The following SP4 variants were observed in gnomAD, a reference collection of about 807,000 sequenced individuals.
The protein encoded by SP4 is Sp4 transcription factor, also known as transcription factor Sp4.
SP4 carries 19 observed loss-of-function variants against 72.8 expected under a neutral mutation model. That is an observed-to-expected ratio of 0.26 (90% CI 0.18 to 0.38). The LOEUF is 0.38. SP4 is among the 10% of genes least tolerant of loss of function. SP4 has a pLI of 1.00. For missense variants in SP4, 1,008 were observed against 926.3 expected, an observed-to-expected ratio of 1.09 and a Z score of -1.14; for synonymous variants, 395 against 333.1, an observed-to-expected ratio of 1.19 and a Z score of -2.02.
chr7:21,469,336 AG>A (rs1784259124), intron 3 of SP4, among the ~76,000 whole-genome samples: 1 of 151,738 alleles, frequency 6.6e-6, no homozygotes. Flanking sequence ...AAATGATAAT[AG>A]TGGTAATCTA....
intron 3 of SP4, among the ~76,000 whole-genome samples, chr7:21,436,056 G>A (rs777277622): frequency 6.6e-6 from 1 of 151,954 alleles, no homozygotes; most frequent in Non-Finnish European, 1.5e-5. Context: ...ATGTCACCAC[G>A]CCTGGCTAAT....
intron 5 of SP4, among the ~76,000 whole-genome samples, chr7:21,499,280 T>C (rs942314351): frequency 6.6e-6 from 1 of 152,178 alleles, no homozygotes; most frequent in African/African-American, 2.4e-5. Flanking sequence ...GTGGGTTGAA[T>C]TGTTTCTTCC....
chr7:21,499,665 C>T (rs1781816790), intron 5 of SP4, among the ~76,000 whole-genome samples: 1 of 152,116 alleles, frequency 6.6e-6, no homozygotes, highest in Non-Finnish European at 1.5e-5. Context: ...TTTTAAGCCA[C>T]CCAGTTTGTG....
At chr7:21,481,764 CT>C (rs1784695243) in intron 4 of SP4, among the ~76,000 whole-genome samples, 159 bp from the exon 5 acceptor site, 2 of 152,100 alleles carry the variant, frequency 1.3e-5, no homozygotes, top group African/African-American at 4.8e-5. Context: ...TTTATTTTGT[CT>C]TTAACTGAAA....
At chr7:21,476,223 G>A (rs886855653) in intron 3 of SP4, among the ~76,000 whole-genome samples, 97 of 134,910 alleles carry the variant, frequency 7.2e-4, no homozygotes, top group African/African-American at 2.7e-3. Context: ...GCAGTGAGCC[G>A]AGATCGTGCT....
At chr7:21,434,673 G>A (rs1410818079) in intron 3 of SP4, among the ~76,000 whole-genome samples, 1 of 151,942 alleles carries the variant, frequency 6.6e-6, no homozygotes, top group East Asian at 1.9e-4. Context: ...ATATTGCATA[G>A]TGGAGAAGTC....
At position 21,430,430 on chromosome 7, in the gene SP4, C is replaced by T; in HGVS notation, c.1265C>T (p.Pro422Leu). ...CAACAGATCATTCAGGCTATTCCAC[C>T]ACAGTCGTTTCAACTCCAGTCAGGG... ...PQQQIIQAIP[P>L]QSFQLQSGQT... Residue 422 changes from proline (P) to leucine (L), a missense_variant, in exon 3 of 6, where the codon CCA (proline) becomes CTA (leucine). By Grantham distance (98) the Pro-to-Leu change is moderately conservative. Transcript: ENST00000222584. 6.2e-7 allele frequency: 1 copy of T among 1,614,168 alleles called. No homozygotes were observed. Among genetic ancestry groups the T allele is most frequent in the Non-Finnish European group, 8.5e-7 (1 of 1,180,034 alleles).
Position 21,511,293 on chromosome 7 carries a change from C to A in SP4, c.*24C>A. On this transcript the variant is annotated 3_prime_UTR_variant, in exon 6 of 6. Coordinates refer to ENST00000222584, the MANE Select transcript of SP4 (RefSeq NM_003112.5). ...GAAAAGTTATTTATAACAGAGACCT[C>A]TAGTGCTGCACTTGTTTACACACCT... 6.2e-7 allele frequency: 1 copy of A among 1,606,878 alleles called. No homozygotes were observed. Among genetic ancestry groups the A allele is most frequent in the Non-Finnish European group, 8.5e-7 (1 of 1,175,652 alleles).
At chr7:21,487,443 T>C (rs1439978504) in intron 5 of SP4, among the ~76,000 whole-genome samples, 1 of 150,936 alleles carries the variant, frequency 6.6e-6, no homozygotes, top group Non-Finnish European at 1.5e-5. Context: ...ACAGTTTTTC[T>C]CTTATATCTT....
At chr7:21,460,808 G>C (rs1426855406) in intron 3 of SP4, among the ~76,000 whole-genome samples, 2 of 152,116 alleles carry the variant, frequency 1.3e-5, no homozygotes, top group East Asian at 3.9e-4. Flanking sequence ...GCTAGACACA[G>C]AATGCTGATT....
At chr7:21,493,879 C>T (rs1771) in intron 5 of SP4, among the ~76,000 whole-genome samples, 36,081 of 151,996 alleles carry the variant, frequency 0.24, 5,463 homozygotes, top group Non-Finnish European at 0.34. Context: ...AGACCAATAT[C>T]GTAAGTATAG....
chr7:21,510,551 C>T (rs946102061), intron 5 of SP4, among the ~76,000 whole-genome samples: 1 of 152,170 alleles, frequency 6.6e-6, no homozygotes, highest in African/African-American at 2.4e-5. Flanking sequence ...GTAAAGAACT[C>T]AGTATGCTAT....
chr7:21,477,841 AT>A (rs1289871213), intron 4 of SP4, among the ~76,000 whole-genome samples: 1 of 151,660 alleles, frequency 6.6e-6, no homozygotes, highest in African/African-American at 2.4e-5. Context: ...CGCCCAGCCC[AT>A]TTTTTTTCTT....
intron 3 of SP4, among the ~76,000 whole-genome samples, chr7:21,461,247 G>A (rs570684409): frequency 6.6e-6 from 1 of 152,316 alleles, no homozygotes; most frequent in South Asian, 2.1e-4. Context: ...TGGAGCAGGG[G>A]GCGGTGCTTG....
chr7:21,460,775 A>G, intron 3 of SP4, among the ~76,000 whole-genome samples: 3 of 152,254 alleles, frequency 2.0e-5, no homozygotes, highest in East Asian at 3.9e-4. Flanking sequence ...CAGAGTGTAG[A>G]TTGGTGTATT....
chr7:21,498,119 C>G (rs1781771306), intron 5 of SP4, among the ~76,000 whole-genome samples: 1 of 152,122 alleles, frequency 6.6e-6, no homozygotes, highest in Non-Finnish European at 1.5e-5. Context: ...TACAACCAGC[C>G]CTCCTTATAT....
intron 3 of SP4, among the ~76,000 whole-genome samples, chr7:21,476,343 A>G (rs1784501268): frequency 1.4e-5 from 2 of 142,056 alleles, no homozygotes. Flanking sequence ...AGATTTTTTT[A>G]TTGTTGTTTT....
At chr7:21,446,516 A>T (rs551648251) in intron 3 of SP4, among the ~76,000 whole-genome samples, 1 of 151,778 alleles carries the variant, frequency 6.6e-6, no homozygotes, top group Admixed American at 6.6e-5. Context: ...AACCTTTGGG[A>T]ATGGAGGTCT....
At chr7:21,432,812 A>G (rs1349469322) in intron 3 of SP4, among the ~76,000 whole-genome samples, 4 of 152,088 alleles carry the variant, frequency 2.6e-5, no homozygotes, top group South Asian at 2.1e-4. Context: ...TGGGCAACAT[A>G]GGGAGACCCC....
Sources: gnomAD v4.1 joint callset for allele counts (sites outside exome capture counted in the v4.1 genomes callset) on GRCh38, gnomAD v4.1.1 for gene constraint, MANE v1.5 for transcripts, NCBI Gene and HGNC (gene_info 2026-07-23, HGNC 2026-07-21) for gene names.